Variants in NEK7 observed in about 807,000 individuals in gnomAD.
NEK7 encodes the protein NIMA related kinase 7, also known as serine/threonine-protein kinase Nek7.
Under a neutral mutation model 44.6 loss-of-function variants are expected in NEK7, and 18 were observed. The ratio of observed to expected loss-of-function variants is 0.40; its 90% CI spans 0.28 to 0.60. NEK7 has a LOEUF of 0.60. Among genes scored for constraint, NEK7 ranks in the 20% least tolerant of loss-of-function variants. NEK7 has a pLI of 0.38. For missense variants in NEK7, 256 were observed against 366.5 expected (o/e 0.70, Z 2.46); for synonymous variants, 130 against 121.1 (o/e 1.07, Z -0.48).
At chr1:198,233,602 A>G (rs1202601103) in intron 2 of NEK7, among the ~76,000 whole-genome samples, 1 of 152,132 alleles carries the variant, frequency 6.6e-6, no homozygotes, top group Non-Finnish European at 1.5e-5. Flanking sequence ...TCTATAGTCA[A>G]ATAGGTTTGA....
At chr1:198,283,890 C>G (rs1654288544) in intron 7 of NEK7, among the ~76,000 whole-genome samples, 1 of 152,076 alleles carries the variant, frequency 6.6e-6, no homozygotes. Context: ...GTATGACCCA[C>G]AATTTGGAAA....
At chr1:198,252,618 CATGTAT>C (rs1653093063) in intron 2 of NEK7, among the ~76,000 whole-genome samples, 1 of 113,110 alleles carries the variant, frequency 8.8e-6, no homozygotes, top group South Asian at 2.9e-4. Context: ...TTTATTAAAA[CATGTAT>C]ATGTATGTTT....
intron 9 of NEK7, among the ~76,000 whole-genome samples, chr1:198,314,824 T>A (rs1655305607): frequency 6.6e-6 from 1 of 152,180 alleles, no homozygotes; most frequent in African/African-American, 2.4e-5. Context: ...GGAGAACCAC[T>A]GCTCTCTTCA....
intron 1 of NEK7, among the ~76,000 whole-genome samples, chr1:198,201,800 A>T (rs1271882879): frequency 6.6e-6 from 1 of 152,150 alleles, no homozygotes; most frequent in African/African-American, 2.4e-5. Flanking sequence ...TGCACCAGAG[A>T]TTTGTAAGTA....
At chr1:198,258,311 C>G (rs376906133) in intron 3 of NEK7, among the ~76,000 whole-genome samples, 1 of 152,080 alleles carries the variant, frequency 6.6e-6, no homozygotes, top group Non-Finnish European at 1.5e-5. Flanking sequence ...TGGTGGCACA[C>G]GCCTGTAGTC....
At chr1:198,163,980 C>T (rs1401179016) in intron 1 of NEK7, among the ~76,000 whole-genome samples, 1 of 152,134 alleles carries the variant, frequency 6.6e-6, no homozygotes, top group Non-Finnish European at 1.5e-5. Context: ...GTGGCTCACA[C>T]CTGTAATCCC....
chr1:198,225,160 TAGTG>T (rs927254166), intron 1 of NEK7, among the ~76,000 whole-genome samples: 10 of 150,610 alleles, frequency 6.6e-5, no homozygotes, highest in African/African-American at 2.4e-4. Flanking sequence ...CTGGACCACA[TAGTG>T]AGACCCCATC....
chr1:198,311,068 G>A (rs930936900), intron 9 of NEK7, among the ~76,000 whole-genome samples: 2 of 149,478 alleles, frequency 1.3e-5, no homozygotes, highest in African/African-American at 2.5e-5. Context: ...TCCTACCCAC[G>A]AGCATGGAAT....
At chr1:198,166,641 G>A (rs1346348650) in intron 1 of NEK7, among the ~76,000 whole-genome samples, 2 of 152,216 alleles carry the variant, frequency 1.3e-5, no homozygotes, top group South Asian at 2.1e-4. Flanking sequence ...GGCTGGTGCA[G>A]TGAAGCAGTC....
chr1:198,164,262 C>G (rs1489861619), intron 1 of NEK7, among the ~76,000 whole-genome samples: 1 of 152,192 alleles, frequency 6.6e-6, no homozygotes, highest in Non-Finnish European at 1.5e-5. Flanking sequence ...TGTCCCAGTA[C>G]CAGGCCCCCA....
At chr1:198,271,437 G>C (rs1162315422) in intron 5 of NEK7, among the ~76,000 whole-genome samples, 1 of 151,960 alleles carries the variant, frequency 6.6e-6, no homozygotes, top group Non-Finnish European at 1.5e-5. Context: ...GGAGATAACT[G>C]TTATCTTCAA....
At chr1:198,262,434 A>C (rs776071376) in intron 3 of NEK7, 141 bp from the exon 4 acceptor site, 77 of 519,014 alleles carry the variant, frequency 1.5e-4, no homozygotes, top group Admixed American at 6.7e-5. Flanking sequence ...TACCTACAGA[A>C]CTCCTTAATA....
chr1:198,303,741 A>G (rs1654951235), intron 9 of NEK7, among the ~76,000 whole-genome samples: 1 of 152,172 alleles, frequency 6.6e-6, no homozygotes, highest in South Asian at 2.1e-4. Context: ...AAAGAAGGAC[A>G]TTATTTTATA....
chr1:198,260,491 G>A (rs12059758), intron 3 of NEK7, among the ~76,000 whole-genome samples: 26,097 of 151,226 alleles, frequency 0.17, 3,178 homozygotes, highest in African/African-American at 0.31. Context: ...CTGAAATCAT[G>A]GTAGTTAACA....
chr1:198,264,777 C>A (rs1927252), intron 5 of NEK7, among the ~76,000 whole-genome samples: 51,107 of 151,720 alleles, frequency 0.34, 9,851 homozygotes, highest in East Asian at 0.8. Flanking sequence ...GGTTTAAGTT[C>A]AGCTGCAATT....
intron 1 of NEK7, among the ~76,000 whole-genome samples, chr1:198,180,250 A>T (rs1266621764): frequency 6.6e-6 from 1 of 151,966 alleles, no homozygotes; most frequent in Non-Finnish European, 1.5e-5. Context: ...TAATATTTAA[A>T]AGCCTTTGCA....
intron 4 of NEK7, 109 bp from the exon 5 acceptor site, chr1:198,264,016 T>A (rs1343284822): frequency 1.7e-6 from 2 of 1,152,568 alleles, no homozygotes; most frequent in East Asian, 2.9e-5. Flanking sequence ...ATGTTAAGAT[T>A]TCTGTAATTT....
intron 1 of NEK7, among the ~76,000 whole-genome samples, chr1:198,157,861 G>A (rs543319454): frequency 1.3e-5 from 2 of 152,210 alleles, no homozygotes; most frequent in Non-Finnish European, 2.9e-5. Context: ...AAATGTCGGA[G>A]AGAGGGATTG....
At position 198,297,754 on chromosome 1, in the gene NEK7, G is replaced by T. The variant is rs77033444; in HGVS notation, c.798+514G>T. 8.1e-3 allele frequency among the ~76,000 whole-genome samples: 1,231 copies of T among 152,184 alleles called. 15 individuals are homozygous for T. Among genetic ancestry groups the T allele is most frequent in the African/African-American group, 0.028 (1,153 of 41,518 alleles). On this transcript the variant is annotated intron_variant, in intron 9 of 9. Coordinates refer to ENST00000367385, the MANE Select transcript of NEK7 (RefSeq NM_133494.3). The stretch of plus-strand genomic sequence containing the variant: ...ATTTAAGCTTTACCTTCTCTCCTTT[G>T]ACAATACCTGTCCTATCATCACCTC...
Sources: allele counts gnomAD v4.1 joint callset (sites outside exome capture counted in the v4.1 genomes callset), GRCh38; gene constraint gnomAD v4.1.1; transcripts MANE v1.5; gene names NCBI Gene and HGNC (gene_info 2026-07-23, HGNC 2026-07-21).